Variants in KMT2C observed in about 807,000 individuals in gnomAD.
KMT2C encodes the protein histone-lysine N-methyltransferase 2C.
KMT2C carries 88 observed loss-of-function variants against 507.9 expected under a neutral mutation model. That is an observed-to-expected ratio of 0.17 (90% CI 0.15 to 0.21). The LOEUF (loss-of-function observed/expected upper bound fraction) is 0.21. KMT2C is among the 10% of genes least tolerant of loss of function. KMT2C has a pLI of 1.00. For synonymous variants in KMT2C, 2,049 were observed against 2,080.8 expected, an observed-to-expected ratio of 0.98 and a Z score of 0.42; for missense variants, 4,954 against 5,957.8, an observed-to-expected ratio of 0.83 and a Z score of 5.55.
At chr7:152,427,853 C>A (rs2097834026) in intron 1 of KMT2C, among the ~76,000 whole-genome samples, 1 of 152,158 alleles carries the variant, frequency 6.6e-6, no homozygotes, top group South Asian at 2.1e-4. Flanking sequence ...TGGATGCCTG[C>A]TACAACATCT....
chr7:152,200,947 A>G (rs2129133937), intron 26 of KMT2C, among the ~76,000 whole-genome samples: 1 of 152,308 alleles, frequency 6.6e-6, no homozygotes, highest in Non-Finnish European at 1.5e-5. Context: ...CTAAAAATTC[A>G]CAAAACTAGA....
intron 1 of KMT2C, among the ~76,000 whole-genome samples, chr7:152,383,986 GA>G (rs140339680): frequency 0.013 from 1,935 of 144,506 alleles, 44 homozygotes; most frequent in African/African-American, 0.047. Context: ...CCCAAATTCT[GA>G]AAAAAAAAAC....
chr7:152,364,168 C>T (rs921423037), intron 1 of KMT2C, among the ~76,000 whole-genome samples: 1 of 152,180 alleles, frequency 6.6e-6, no homozygotes, highest in Non-Finnish European at 1.5e-5. Flanking sequence ...TGATTCCCAA[C>T]TTAACTACTG....
chr7:152,397,679 A>G lies in KMT2C; in HGVS notation c.161+37947T>C, dbSNP rs1225704437. Reference sequence around the variant, plus strand: ...CTCCCATAATTCCCACGTGTTGTGGAATGGACACAGTGGGAAAGAATTGAA... The same window carrying G: ...CTCCCATAATTCCCACGTGTTGTGGGATGGACACAGTGGGAAAGAATTGAA... On this transcript the variant is annotated intron_variant, in intron 1 of 58. Transcript: ENST00000262189. Among the ~76,000 whole-genome samples the G allele has an allele frequency of 1.2e-4, 19 of 152,174 alleles. 1 individual carries two copies. Among genetic ancestry groups the G allele is most frequent in the Non-Finnish European group, 7.3e-5 (5 of 68,032 alleles).
intron 27 of KMT2C, among the ~76,000 whole-genome samples, chr7:152,197,930 A>G (rs2094012404): frequency 6.6e-6 from 1 of 152,000 alleles, no homozygotes; most frequent in South Asian, 2.1e-4. Context: ...AAAAATAAAT[A>G]AAGAAAAAAA....
chr7:152,241,231 G>A lies in KMT2C; in HGVS notation c.2533-2405C>T, dbSNP rs181739999. ...TTCTTTCTTTTTGAGATGGAGTCTC[G>A]CTCTGTCACCCAGGCTAGAGTGCGG... On this transcript the variant is annotated intron_variant, in intron 14 of 58. Transcript: ENST00000262189. 6.2e-3 allele frequency among the ~76,000 whole-genome samples: 933 copies of A among 151,622 alleles called. 13 individuals carry two copies. Among genetic ancestry groups the A allele is most frequent in the African/African-American group, 0.021 (875 of 41,252 alleles).
At chr7:152,195,469 T>C in intron 28 of KMT2C, 2 of 869,416 alleles carry the variant, frequency 2.3e-6, no homozygotes, top group Non-Finnish European at 2.8e-6. Context: ...GAAATCACTA[T>C]AAAAAAAGAA....
intron 1 of KMT2C, among the ~76,000 whole-genome samples, chr7:152,388,575 A>C (rs933202790): frequency 2.6e-5 from 4 of 152,294 alleles, no homozygotes; most frequent in African/African-American, 9.6e-5. Context: ...GAAACAAACG[A>C]AAAAAGTATC....
intron 42 of KMT2C, among the ~76,000 whole-genome samples, chr7:152,166,511 T>C (rs1014042232): frequency 6.6e-6 from 1 of 152,216 alleles, no homozygotes; most frequent in Non-Finnish European, 1.5e-5. Flanking sequence ...TTATTTTAAA[T>C]ACAATTTTTA....
rs367667237 is a variant in KMT2C at position 152,330,750 on chromosome 7, G to A, written c.251-11C>T. The A allele has an allele frequency of 8.0e-5, 129 of 1,611,836 alleles. No homozygotes were observed. The highest frequency in any genetic ancestry group is 1.0e-4 in the Non-Finnish European group (118 of 1,178,740). On this transcript the variant is annotated splice_polypyrimidine_tract_variant and intron_variant, in intron 2 of 58. Coordinates refer to ENST00000262189, the MANE Select transcript of KMT2C (RefSeq NM_170606.3). ...ATTGTTCTTTGATTTCTGCTTAACA[G>A]TAAACAAGAGAAAACAAAGAGTCAT...
At chr7:152,435,165 C>G (rs927698636) in intron 1 of KMT2C, among the ~76,000 whole-genome samples, 1 of 152,092 alleles carries the variant, frequency 6.6e-6, no homozygotes, top group African/African-American at 2.4e-5. Flanking sequence ...CCCCAGCCCG[C>G]GCCCCGAGAC....
chr7:152,224,086 T>C lies in KMT2C; in HGVS notation c.3252A>G (p.Leu1084=). The C allele has an allele frequency of 6.2e-7, 1 of 1,611,224 alleles. No individual in the cohort carries two copies. Residue 1084 remains leucine, a synonymous_variant, in exon 20 of 59, where the codon TTA becomes TTG. Coordinates refer to ENST00000262189, the MANE Select transcript of KMT2C (RefSeq NM_170606.3). ...NYTQCAPCAS[L]SSCPVCYRNY... ...TTCGATAGCAGACTGGACAGGAAGA[T>C]AAGCTTGCACAAGGAGCGCACTGTG... is the stretch of plus-strand genomic sequence containing the variant.
chr7:152,255,929 G>A (rs2095653732), intron 9 of KMT2C, among the ~76,000 whole-genome samples: 1 of 152,206 alleles, frequency 6.6e-6, no homozygotes, highest in Admixed American at 6.5e-5. Flanking sequence ...AGCACTTTGG[G>A]AGGCCGAGGC....
chr7:152,248,567 C>A lies in KMT2C; in HGVS notation c.1867G>T (p.Val623Phe), dbSNP rs1332010739. ...GACATTTTCAGGTCTTCACTATCAA[C>A]TTCATTAGAAATCTGTTTTTCCAAT... The part of the protein sequence containing the change: ...TELEKQISNE[V>F]DSEDLKMSSE... The change falls in exon 14 of 59, where the codon GTT (valine) becomes TTT (phenylalanine). Residue 623 changes from valine to phenylalanine, a missense_variant. Coordinates refer to ENST00000262189, the MANE Select transcript of KMT2C (RefSeq NM_170606.3). 15 of 1,613,742 alleles carry A rather than the reference C, an allele frequency of 9.3e-6. No homozygotes were observed. The highest frequency in any genetic ancestry group is 1.3e-5 in the Non-Finnish European group (15 of 1,179,762).
intron 6 of KMT2C, among the ~76,000 whole-genome samples, chr7:152,278,882 T>G (rs1236941231): frequency 1.3e-5 from 2 of 152,302 alleles, no homozygotes; most frequent in African/African-American, 4.8e-5. Flanking sequence ...TAGATTAGAC[T>G]TTAACATAGC....
chr7:152,425,579 AAAAC>A (rs533666000), intron 1 of KMT2C, among the ~76,000 whole-genome samples: 16 of 152,336 alleles, frequency 1.1e-4, no homozygotes, highest in South Asian at 6.2e-4. Flanking sequence ...CTCCGTCTCA[AAAAC>A]AAACAAACAC....
chr7:152,394,292 G>A (rs2097523437), intron 1 of KMT2C, among the ~76,000 whole-genome samples: 2 of 152,296 alleles, frequency 1.3e-5, no homozygotes, highest in African/African-American at 2.4e-5. Context: ...CTAATCCAGA[G>A]TAAAAGTCAA....
At chr7:152,299,076 T>C (rs1214519050) in intron 6 of KMT2C, among the ~76,000 whole-genome samples, 1 of 151,832 alleles carries the variant, frequency 6.6e-6, no homozygotes, top group Non-Finnish European at 1.5e-5. Context: ...TCCCAGCACT[T>C]TGGGAGGCCA....
intron 50 of KMT2C, 75 bp from the exon 51 acceptor site, chr7:152,151,082 T>C: frequency 2.3e-6 from 2 of 858,710 alleles, no homozygotes; most frequent in Non-Finnish European, 3.7e-6. Flanking sequence ...TACATTATTT[T>C]TATGTTATAT....
Sources: allele counts gnomAD v4.1 joint callset (sites outside exome capture counted in the v4.1 genomes callset), GRCh38; gene constraint gnomAD v4.1.1; transcripts MANE v1.5; gene names NCBI Gene and HGNC (gene_info 2026-07-23, HGNC 2026-07-21).